The following GAD2 variants were observed in gnomAD, a reference collection of about 807,000 sequenced individuals.
The protein encoded by GAD2 is glutamate decarboxylase 2.
A neutral mutation model predicts 80.1 loss-of-function variants in GAD2; 22 were observed. The ratio of observed to expected loss-of-function variants is 0.27; its 90% CI spans 0.20 to 0.39. The LOEUF is 0.39. Ranked by LOEUF, GAD2 falls within the 10% of genes least tolerant of loss-of-function variation. The pLI, the probability that GAD2 is intolerant of heterozygous loss-of-function variation, is 1.00. For missense variants in GAD2, 624 were observed against 738.4 expected (o/e 0.85, Z 1.80); for synonymous variants, 274 against 256.9 (o/e 1.07, Z -0.64).
chr10:26,216,941 GCGGAACTA>G lies in GAD2; in HGVS notation c.76+61_76+68del. The G allele has an allele frequency of 6.8e-7, 1 of 1,465,606 alleles. No homozygotes were observed. The highest frequency in any genetic ancestry group is 9.5e-7 in the Non-Finnish European group (1 of 1,055,850). The allele number at this position is 1,465,606 out of a possible 1,614,324, so 90.8% of individuals were successfully genotyped here. A position where few individuals can be genotyped will look rare whatever the true frequency, so the allele number is the denominator to read the frequency against. ...CGAGTTTTGCGGTGGTCTGGGGTTT[GCGGAACTA>G]CGGAGAAGACGAAGGAGGTTTTTCC... On this transcript the variant is annotated intron_variant, in intron 1 of 15. Coordinates refer to ENST00000376261, the MANE Select transcript of GAD2 (RefSeq NM_001134366.2). This position sits in a 1 kb window ranked among gnomAD's most constrained non-coding sequence, Gnocchi z 4.7.
chr10:26,295,348 G>A (rs1834261537), intron 15 of GAD2, among the ~76,000 whole-genome samples: 1 of 152,122 alleles, frequency 6.6e-6, no homozygotes. Context: ...AGAGAATTCA[G>A]CAATTCAGAT....
chr10:26,280,757 T>G (rs929476607), intron 11 of GAD2, among the ~76,000 whole-genome samples: 2 of 152,076 alleles, frequency 1.3e-5, no homozygotes, highest in African/African-American at 4.8e-5. Flanking sequence ...AATTACCTAT[T>G]GAGTACAGTG....
At chr10:26,245,229 T>TG (rs1455058454) in intron 7 of GAD2, among the ~76,000 whole-genome samples, 1 of 113,812 alleles carries the variant, frequency 8.8e-6, no homozygotes, top group African/African-American at 3.4e-5. Context: ...GTTGGGGGTG[T>TG]GGGGGGAGGG....
At chr10:26,238,642 A>G (rs1844704290) in intron 7 of GAD2, among the ~76,000 whole-genome samples, 1 of 152,228 alleles carries the variant, frequency 6.6e-6, no homozygotes, top group Non-Finnish European at 1.5e-5. Context: ...GTGCCTGTGT[A>G]CAGATCCACA....
chr10:26,270,655 C>T lies in GAD2; in HGVS notation c.991C>T (p.Leu331Phe). 1.2e-6 allele frequency: 2 copies of T among 1,613,716 alleles called. No individual in the cohort carries two copies. Among genetic ancestry groups the T allele is most frequent in the Non-Finnish European group, 1.7e-6 (2 of 1,179,632 alleles). The change falls in exon 10 of 16, where the codon CTC becomes TTC. Residue 331 changes from leucine to phenylalanine, a missense_variant. Coordinates refer to ENST00000376261, the MANE Select transcript of GAD2 (RefSeq NM_001134366.2). ...GTTCGCACAGGGGTTTGTTCCTTTC[C>T]TCGTGAGTGCCACAGCTGGAACCAC... The part of the protein sequence containing the change: ...EAKQKGFVPF[L>F]VSATAGTTVY...
At chr10:26,274,723 C>T (rs933361848) in intron 11 of GAD2, among the ~76,000 whole-genome samples, 2 of 152,200 alleles carry the variant, frequency 1.3e-5, no homozygotes, top group Admixed American at 6.5e-5. Context: ...TGCGATCTGA[C>T]ACCCAGGCCC....
In GAD2 at chr10:26,269,105, C is replaced by A. The variant is rs556937446; in HGVS notation, c.921-14C>A. ...AATTATTCAAAGCAAATCTATATTT[C>A]TTTTTCCTTCCAGAGGGAAAATGAT... is the stretch of plus-strand genomic sequence containing the variant. On this transcript the variant is annotated splice_polypyrimidine_tract_variant and intron_variant, in intron 8 of 15. Coordinates refer to ENST00000376261, the MANE Select transcript of GAD2 (RefSeq NM_001134366.2). 6.9e-6 allele frequency: 11 copies of A among 1,583,154 alleles called. No individual in the cohort carries two copies. Among genetic ancestry groups the A allele is most frequent in the Non-Finnish European group, 9.5e-6 (11 of 1,163,056 alleles).
chr10:26,233,042 C>T (rs187337946), intron 7 of GAD2, among the ~76,000 whole-genome samples: 26 of 152,280 alleles, frequency 1.7e-4, no homozygotes, highest in African/African-American at 6.3e-4. Context: ...TACTATTTGA[C>T]AGTTTCCAAA....
chr10:26,238,694 GTCCCC>G (rs917570685), intron 7 of GAD2, among the ~76,000 whole-genome samples: 1 of 152,174 alleles, frequency 6.6e-6, no homozygotes, highest in Non-Finnish European at 1.5e-5. Flanking sequence ...TGTCTGGGAG[GTCCCC>G]TCCCCTCCAG....
chr10:26,264,606 C>A (rs75016021), intron 8 of GAD2, among the ~76,000 whole-genome samples: 1 of 152,110 alleles, frequency 6.6e-6, no homozygotes, highest in Non-Finnish European at 1.5e-5. Context: ...CCACCATGCC[C>A]GGCCCAGATT....
chr10:26,232,556 G>GT (rs1844618003), intron 7 of GAD2, among the ~76,000 whole-genome samples: 1 of 150,078 alleles, frequency 6.7e-6, no homozygotes, highest in Admixed American at 6.7e-5. Flanking sequence ...GAGTGCAGTG[G>GT]TGCAGTCTCG....
chr10:26,282,304 A>G (rs8190761), intron 12 of GAD2, among the ~76,000 whole-genome samples: 1 of 152,194 alleles, frequency 6.6e-6, no homozygotes, highest in African/African-American at 2.4e-5. Flanking sequence ...CAGTTAATAC[A>G]TTATTTTAGA....
chr10:26,289,844 G>A (rs1350185580), intron 13 of GAD2, among the ~76,000 whole-genome samples: 3 of 147,000 alleles, frequency 2.0e-5, no homozygotes, highest in East Asian at 4.0e-4. Context: ...CCAGGCTGGA[G>A]TGCAGTGGCG....
chr10:26,234,952 A>C (rs1460550121), intron 7 of GAD2, among the ~76,000 whole-genome samples: 3 of 152,076 alleles, frequency 2.0e-5, no homozygotes, highest in African/African-American at 7.2e-5. Context: ...AGCTCACTGC[A>C]ATCTCTGCCT....
chr10:26,302,993 G>T lies in GAD2; in HGVS notation c.*2032G>T, dbSNP rs577693274. 6.6e-6 allele frequency: 1 copy of T among 152,172 alleles called. No homozygotes were observed. Among genetic ancestry groups the T allele is most frequent in the Non-Finnish European group, 1.5e-5 (1 of 68,050 alleles). 9.4% of individuals were successfully genotyped at this position (152,172 alleles called of 1,614,324 possible). A position where few individuals can be genotyped will look rare whatever the true frequency, so the allele number is the denominator to read the frequency against. On this transcript the variant is annotated 3_prime_UTR_variant, in exon 16 of 16. Coordinates refer to ENST00000376261, the MANE Select transcript of GAD2 (RefSeq NM_001134366.2). ...AAGCACATAGCTGCCCGACTATCCG[G>T]AGCCTCAGGCCCAAAGGTTCCACTT...
chr10:26,287,880 C>T (rs1048320962), intron 13 of GAD2, among the ~76,000 whole-genome samples: 1 of 152,074 alleles, frequency 6.6e-6, no homozygotes, highest in Non-Finnish European at 1.5e-5. Context: ...GTGTAAATAG[C>T]CTACTTAAAG....
chr10:26,286,428 A>G lies in GAD2; in HGVS notation c.1320A>G (p.Gly440=). Residue 440 remains glycine (G), a synonymous_variant, in exon 13 of 16, where the codon GGA becomes GGG. Transcript: ENST00000376261. ...DKHYDLSYDT[G]DKALQCGRHV... ...ATTATGACCTGTCCTATGACACTGGAGACAAGGCCTTACAGTGCGGACGCC... is the reference window on the plus strand; with the variant it reads ...ATTATGACCTGTCCTATGACACTGGGGACAAGGCCTTACAGTGCGGACGCC... The G allele has an allele frequency of 6.2e-7, 1 of 1,614,030 alleles. No individual in the cohort carries two copies. Among genetic ancestry groups the G allele is most frequent in the Non-Finnish European group, 8.5e-7 (1 of 1,179,956 alleles).
rs181174147 is a variant in GAD2, at chr10:26,295,624, C to T, written c.1584+2633C>T. Among the ~76,000 whole-genome samples, 682 of 151,720 alleles carry T rather than the reference C, an allele frequency of 4.5e-3. 6 individuals carry two copies. Among genetic ancestry groups the T allele is most frequent in the Middle Eastern group, 6.8e-3 (2 of 292 alleles). On this transcript the variant is annotated intron_variant, in intron 15 of 15. Coordinates refer to ENST00000376261, the MANE Select transcript of GAD2 (RefSeq NM_001134366.2). ...GTAGTAATAGCCACATGTGGCTATT[C>T]ATATTTAAATTTAAATCAATTAAAA...
chr10:26,242,051 G>C (rs1488900835), intron 7 of GAD2, among the ~76,000 whole-genome samples: 1 of 152,092 alleles, frequency 6.6e-6, no homozygotes, highest in Non-Finnish European at 1.5e-5. Flanking sequence ...CGTGATCTTG[G>C]CTCACTGCAA....
Sources: allele counts gnomAD v4.1 joint callset (sites outside exome capture counted in the v4.1 genomes callset), GRCh38; gene constraint gnomAD v4.1.1; non-coding constraint Gnocchi (gnomAD v3.1); transcripts MANE v1.5; gene names NCBI Gene and HGNC (gene_info 2026-07-23, HGNC 2026-07-21).